Variants in LAMA5 observed in about 807,000 individuals in gnomAD.
LAMA5 encodes the protein laminin subunit alpha-5.
In LAMA5, 260 loss-of-function variants were observed where a neutral mutation model predicts 433.4. The ratio of observed to expected loss-of-function variants is 0.60; its 90% CI spans 0.54 to 0.66. The LOEUF is 0.66. LAMA5 is among the 30% of genes least tolerant of loss of function. The pLI, the probability that LAMA5 is intolerant of heterozygous loss-of-function variation, is 0.00. For synonymous variants in LAMA5, 2,620 were observed against 2,226.6 expected, an observed-to-expected ratio of 1.18 and a Z score of -4.97; for missense variants, 5,378 against 5,258.5, an observed-to-expected ratio of 1.02 and a Z score of -0.70.
At position 62,322,364 on chromosome 20, in the gene LAMA5, TG is replaced by T. The variant is rs1978403982; in HGVS notation, c.6250del (p.Gln2084ArgfsTer125). 10 of 1,593,394 alleles carry T rather than the reference TG, an allele frequency of 6.3e-6. No homozygotes were observed. Among genetic ancestry groups the T allele is most frequent in the Non-Finnish European group, 8.5e-6 (10 of 1,171,476 alleles). On this transcript the variant is annotated frameshift_variant, in exon 47 of 80. Transcript: ENST00000252999. LOFTEE classifies it high-confidence loss of function. ...PAAEGSECHP[Q>X]SGQCHCRPGT... The stretch of plus-strand genomic sequence containing the variant: ...TGGTCGGCAGTGGCACTGTCCGCTC[TG>T]GGGGTGGCACTCGGAGCCCTCGGCG...
Position 62,336,378 on chromosome 20 carries a change from A to T in LAMA5, c.2285T>A (p.Phe762Tyr). 1 of 1,612,508 alleles carries T rather than the reference A, an allele frequency of 6.2e-7. No homozygotes were observed. The highest frequency in any genetic ancestry group is 8.5e-7 in the Non-Finnish European group (1 of 1,179,758). Residue 762 changes from phenylalanine (F) to tyrosine (Y), a missense_variant, in exon 18 of 80, where the codon TTC becomes TAC. Transcript: ENST00000252999. The stretch of plus-strand genomic sequence containing the variant: ...GGGGTTGCTGGGGCTCAGTCCCCAG[A>T]ACCCAGGTTTGCAGCGGTCACAGCT... Reference protein sequence around the residue: ...GPSCDRCKPGFWGLSPSNPEG... With the variant: ...GPSCDRCKPGYWGLSPSNPEG...
chr20:62,316,605 C>T (rs1986957938), intron 57 of LAMA5, 66 bp downstream of exon 57: 3 of 1,268,090 alleles, frequency 2.4e-6, no homozygotes, highest in South Asian at 3.1e-5. Flanking sequence ...TGGCTGGGGG[C>T]TGAGGGTCCC....
chr20:62,311,221 A>T lies in LAMA5; in HGVS notation c.10029T>A (p.Phe3343Leu), dbSNP rs202187833. 4.7e-5 allele frequency: 76 copies of T among 1,609,970 alleles called. No individual in the cohort carries two copies. Among genetic ancestry groups the T allele is most frequent in the Non-Finnish European group, 4.6e-5 (54 of 1,178,854 alleles). Residue 3343 changes from phenylalanine to leucine, a missense_variant, in exon 73 of 80, where the codon TTT (phenylalanine) becomes TTA (leucine). Transcript: ENST00000252999. The part of the protein sequence containing the change: ...HLRTTRDSYQ[F>L]GGSLSSHLEF... ...CCAGGTGACTGGACAGGGAACCCCCAAACTGGTAGGAGTCTCGGGTGGTCC... is the reference window on the plus strand; with the variant it reads ...CCAGGTGACTGGACAGGGAACCCCCTAACTGGTAGGAGTCTCGGGTGGTCC...
intron 46 of LAMA5, 100 bp from the exon 47 acceptor site, chr20:62,322,549 C>T: frequency 7.0e-7 from 1 of 1,436,870 alleles, no homozygotes. Flanking sequence ...CCCCCTGAGG[C>T]TCTGCCCATC....
In LAMA5 at chr20:62,321,743, C is replaced by CCAGTGGAGGGGTGGGGT. The variant is rs1345862821; in HGVS notation, c.6496+259_6496+275dup. ...GGGTGGGGTCAGTGGAGGGGTGGGG[C>CCAGTGGAGGGGTGGGGT]CAGTGGAGGGGTGGGGTCAGTGGGG... On this transcript the variant is annotated intron_variant, in intron 48 of 79. Coordinates refer to ENST00000252999, the MANE Select transcript of LAMA5 (RefSeq NM_005560.6). Among the ~76,000 whole-genome samples the CCAGTGGAGGGGTGGGGT allele has an allele frequency of 1.0e-4, 5 of 50,032 alleles. No homozygotes were observed. In the East Asian group the frequency reaches 1.3e-3, roughly 13 times the overall value. The allele number at this position is 50,032 out of a possible 152,430, so 32.8% of individuals were successfully genotyped here.
In LAMA5 at chr20:62,313,742, C is replaced by T. The variant is rs1601283700; in HGVS notation, c.8565G>A (p.Lys2855=). The T allele has an allele frequency of 6.2e-7, 1 of 1,612,980 alleles. No individual in the cohort carries two copies. The change falls in exon 63 of 80, where the codon AAG becomes AAA. Residue 2855 remains lysine (K), a synonymous_variant. Transcript: ENST00000252999. ...CTGCCCCAGGGGCCACCGTGTCACC[C>T]TTGGTTTCCTGGATCATCTGTCTCT... ...TVERQMIQET[K]GDTVAPGAEG...
At chr20:62,335,344 A>G (rs1601363228) in intron 18 of LAMA5, 75 bp from the exon 19 acceptor site, 1 of 1,422,588 alleles carries the variant, frequency 7.0e-7, no homozygotes, top group Non-Finnish European at 9.6e-7. Context: ...AGGAACCCCC[A>G]CACCCTAACA....
In LAMA5 at chr20:62,353,327, GC is replaced by G; in HGVS notation, c.451-77del. 4 of 1,086,868 alleles carry G rather than the reference GC, an allele frequency of 3.7e-6. No individual in the cohort carries two copies. In the Admixed American group the frequency reaches 8.7e-5, roughly 24 times the overall value. 67.3% of individuals were successfully genotyped at this position (1,086,868 alleles called of 1,614,324 possible). ...CTCCCAGGGGCCTGGCTCATTTTCT[GC>G]CCCTCAGGTGAGGCCACAGCAGGGG... On this transcript the variant is annotated intron_variant, in intron 2 of 79. Coordinates refer to ENST00000252999, the MANE Select transcript of LAMA5 (RefSeq NM_005560.6).
At chr20:62,362,583 G>T (rs372690144) in intron 1 of LAMA5, 31 bp from the exon 2 acceptor site, 6 of 1,474,782 alleles carry the variant, frequency 4.1e-6, no homozygotes, top group African/African-American at 2.8e-5. Context: ...TCAGATAGCC[G>T]AGAAGGGCCG....
At chr20:62,347,567 G>C (rs114163294) in intron 6 of LAMA5, among the ~76,000 whole-genome samples, 1 of 152,182 alleles carries the variant, frequency 6.6e-6, no homozygotes, top group Non-Finnish European at 1.5e-5. Context: ...ACCTCCCTAG[G>C]GCCAAGTGGC....
chr20:62,345,587 T>C (rs985614571), intron 11 of LAMA5: 4 of 663,180 alleles, frequency 6.0e-6, no homozygotes, highest in East Asian at 2.9e-5. Context: ...TTGTATTTGC[T>C]GTAGAGACAG....
At position 62,338,159 on chromosome 20, in the gene LAMA5, C is replaced by T. The variant is rs757463382; in HGVS notation, c.1757-9G>A. ...AGGGCTGCAGCCACACACTGCAGAGCGGAGCGGGTGTCACGGTAGGCCAGG... is the reference window on the plus strand; with the variant it reads ...AGGGCTGCAGCCACACACTGCAGAGTGGAGCGGGTGTCACGGTAGGCCAGG... On this transcript the variant is annotated splice_polypyrimidine_tract_variant and intron_variant, in intron 13 of 79. Transcript: ENST00000252999. The T allele has an allele frequency of 4.4e-5, 69 of 1,574,484 alleles. No individual in the cohort carries two copies. The East Asian group carries it at 9.7e-4, about 22-fold the overall frequency.
chr20:62,321,460 G>T (rs1474407276), intron 48 of LAMA5, among the ~76,000 whole-genome samples: 1 of 18,532 alleles, frequency 5.4e-5, no homozygotes, highest in Non-Finnish European at 9.7e-5. Flanking sequence ...GGTAGGGCCA[G>T]CAGAGGGGTG....
chr20:62,311,816 T>TGGCCCCCC, intron 70 of LAMA5, 32 bp from the exon 71 acceptor site: 48 of 1,520,846 alleles, frequency 3.2e-5, no homozygotes, highest in Non-Finnish European at 4.1e-5. Flanking sequence ...GCTCGGTTTT[T>TGGCCCCCC]CCCCACCCTG....
At chr20:62,325,788 C>T (rs1400139925) in intron 40 of LAMA5, among the ~76,000 whole-genome samples, 2 of 152,258 alleles carry the variant, frequency 1.3e-5, no homozygotes, top group African/African-American at 4.8e-5. Context: ...AAGAGAACAG[C>T]CAAGCTTCTA....
chr20:62,330,005 C>A, intron 31 of LAMA5, 89 bp from the exon 32 acceptor site: 1 of 1,502,512 alleles, frequency 6.7e-7, no homozygotes, highest in Non-Finnish European at 8.9e-7. Context: ...TTGGGGCAGC[C>A]AAGGAGTGCC....
chr20:62,324,095 G>A lies in LAMA5; in HGVS notation c.5753C>T (p.Ser1918Leu), dbSNP rs1601325883. The A allele has an allele frequency of 5.3e-6, 8 of 1,518,296 alleles. No individual in the cohort carries two copies. Among genetic ancestry groups the A allele is most frequent in the Non-Finnish European group, 7.0e-6 (8 of 1,135,514 alleles). The allele number at this position is 1,518,296 out of a possible 1,614,324, so 94.1% of individuals were successfully genotyped here. A position where few individuals can be genotyped will look rare whatever the true frequency, so the allele number is the denominator to read the frequency against. ...APCVSCPCPL[S>L]VPSNNFAEGC... Reference sequence around the variant, plus strand: ...GCTGGCTTACTTGTTGGAAGGCACTGAGAGGGGGCAGGGGCAGCTGACACA... The same window carrying A: ...GCTGGCTTACTTGTTGGAAGGCACTAAGAGGGGGCAGGGGCAGCTGACACA... Residue 1918 changes from serine to leucine, a missense_variant, in exon 43 of 80, where the codon TCA (serine) becomes TTA (leucine). Physicochemically the swap from Ser to Leu is moderately radical, Grantham distance 145. Coordinates refer to ENST00000252999, the MANE Select transcript of LAMA5 (RefSeq NM_005560.6). The surrounding 1 kb of genome is among the most constrained non-coding windows in gnomAD (Gnocchi z 4.4).
intron 13 of LAMA5, 38 bp downstream of exon 13, chr20:62,338,194 C>T: frequency 6.4e-7 from 1 of 1,570,734 alleles, no homozygotes; most frequent in Non-Finnish European, 8.7e-7. Context: ...GCCCACGGGC[C>T]TCCCCTACCC....
Position 62,319,623 on chromosome 20 carries a change from A to G in LAMA5, c.6871+61T>C, listed in dbSNP as rs1601307213. On this transcript the variant is annotated intron_variant, in intron 51 of 79. Transcript: ENST00000252999. ...AGGCCAAGCTCGGCCAGGCACCCCC[A>G]CCCCTACCCCAGGCAGCCCTCCTGG... 7 of 1,261,774 alleles carry G rather than the reference A, an allele frequency of 5.5e-6. No homozygotes were observed. The East Asian group carries it at 1.5e-4, about 28-fold the overall frequency. 78.2% of individuals were successfully genotyped at this position (1,261,774 alleles called of 1,614,324 possible). A position where few individuals can be genotyped will look rare whatever the true frequency, so the allele number is the denominator to read the frequency against.
Sources: allele counts gnomAD v4.1 joint callset (sites outside exome capture counted in the v4.1 genomes callset), GRCh38; gene constraint gnomAD v4.1.1; non-coding constraint Gnocchi (gnomAD v3.1); transcripts MANE v1.5; gene names NCBI Gene and HGNC (gene_info 2026-07-23, HGNC 2026-07-21).